Variants in HS6ST3 observed in about 807,000 individuals in gnomAD.
The protein encoded by HS6ST3 is heparan-sulfate 6-O-sulfotransferase 3.
Under a neutral mutation model 36.7 loss-of-function variants are expected in HS6ST3, and 12 were observed. The ratio of observed to expected loss-of-function variants is 0.33; its 90% CI spans 0.21 to 0.53. The LOEUF is 0.53. Ranked by LOEUF, HS6ST3 falls within the 20% of genes least tolerant of loss-of-function variation. The probability of loss-of-function intolerance (pLI) is 0.95; values close to 1 mark genes in which losing one functional copy is unlikely to be tolerated. For synonymous variants in HS6ST3, 240 were observed against 257.5 expected (o/e 0.93, Z 0.65); for missense variants, 584 against 640.9 (o/e 0.91, Z 0.96).
intron 1 of HS6ST3, among the ~76,000 whole-genome samples, chr13:96,383,775 A>C (rs1292206059): frequency 2.0e-5 from 3 of 152,170 alleles, no homozygotes; most frequent in Non-Finnish European, 2.9e-5. Flanking sequence ...GGGAAGCACA[A>C]GGTGGTGGGG....
intron 1 of HS6ST3, among the ~76,000 whole-genome samples, chr13:96,436,054 G>T (rs952749794): frequency 1.3e-5 from 2 of 152,104 alleles, no homozygotes; most frequent in African/African-American, 2.4e-5. Flanking sequence ...TCTCTTTGTT[G>T]TTCTCTTTGG....
chr13:96,219,254 C>T (rs74678872), intron 1 of HS6ST3, among the ~76,000 whole-genome samples: 7,993 of 152,202 alleles, frequency 0.053, 374 homozygotes, highest in African/African-American at 0.13. Flanking sequence ...TATTTTGTAA[C>T]ATGTGTACAT....
chr13:96,593,308 C>T (rs373718436), intron 1 of HS6ST3, among the ~76,000 whole-genome samples: 7 of 149,498 alleles, frequency 4.7e-5, no homozygotes, highest in African/African-American at 7.4e-5. Context: ...CTCAGCCTCC[C>T]GAGTACCTGG....
intron 1 of HS6ST3, among the ~76,000 whole-genome samples, chr13:96,207,330 A>G (rs1041090385): frequency 2.0e-5 from 3 of 152,138 alleles, no homozygotes; most frequent in Non-Finnish European, 2.9e-5. Flanking sequence ...GTTGCAGAGA[A>G]AAAGGAATGC....
Position 96,794,598 on chromosome 13 carries a change from T to G in HS6ST3, c.708-37892T>G, listed in dbSNP as rs538991458. 4.6e-5 allele frequency among the ~76,000 whole-genome samples: 7 copies of G among 152,198 alleles called. No individual in the cohort carries two copies. In the South Asian group the frequency reaches 1.2e-3, roughly 27 times the overall value. ...AAGATATTTGGCCAAGTGTGTATTT[T>G]TTTCCTCCCTCATTTTTTGGGCTGA... On this transcript the variant is annotated intron_variant, in intron 1 of 1. Transcript: ENST00000376705.
At chr13:96,285,612 T>C (rs2054797741) in intron 1 of HS6ST3, among the ~76,000 whole-genome samples, 1 of 152,186 alleles carries the variant, frequency 6.6e-6, no homozygotes, top group Admixed American at 6.5e-5. Context: ...ATGATGAATT[T>C]GGTAGGCGTG....
At chr13:96,358,938 G>A (rs1055300188) in intron 1 of HS6ST3, among the ~76,000 whole-genome samples, 1 of 151,820 alleles carries the variant, frequency 6.6e-6, no homozygotes, top group Non-Finnish European at 1.5e-5. Flanking sequence ...GACACAGAGA[G>A]CAAATGTGGC....
chr13:96,814,248 C>A (rs1000031163), intron 1 of HS6ST3, among the ~76,000 whole-genome samples: 3 of 152,090 alleles, frequency 2.0e-5, no homozygotes, highest in African/African-American at 7.2e-5. Context: ...AGCAAATACT[C>A]TGATTGTATT....
At chr13:96,398,058 CCTAT>C (rs1350901469) in intron 1 of HS6ST3, among the ~76,000 whole-genome samples, 3 of 152,148 alleles carry the variant, frequency 2.0e-5, no homozygotes, top group Non-Finnish European at 1.5e-5. Context: ...AGCCACTTAA[CCTAT>C]CTTTGCATCA....
At chr13:96,758,419 A>C (rs1479772474) in intron 1 of HS6ST3, among the ~76,000 whole-genome samples, 2 of 151,704 alleles carry the variant, frequency 1.3e-5, no homozygotes, top group East Asian at 3.9e-4. Context: ...TATTTTGCTG[A>C]GTTCTGGCCT....
chr13:96,477,284 G>A (rs1339959831), intron 1 of HS6ST3, among the ~76,000 whole-genome samples: 1 of 152,192 alleles, frequency 6.6e-6, no homozygotes, highest in Non-Finnish European at 1.5e-5. Flanking sequence ...GAAGAAGAGA[G>A]GGATGCGAAT....
At chr13:96,758,420 G>A (rs1198306508) in intron 1 of HS6ST3, among the ~76,000 whole-genome samples, 1 of 151,652 alleles carries the variant, frequency 6.6e-6, no homozygotes, top group African/African-American at 2.4e-5. Flanking sequence ...ATTTTGCTGA[G>A]TTCTGGCCTT....
intron 1 of HS6ST3, among the ~76,000 whole-genome samples, chr13:96,199,952 C>G (rs1432949043): frequency 3.3e-5 from 5 of 152,094 alleles, no homozygotes; most frequent in African/African-American, 1.2e-4. Context: ...GACTTCTAGA[C>G]TCTTTTCAGG....
At chr13:96,732,180 C>T (rs1876172457) in intron 1 of HS6ST3, among the ~76,000 whole-genome samples, 2 of 152,066 alleles carry the variant, frequency 1.3e-5, no homozygotes, top group Non-Finnish European at 2.9e-5. Flanking sequence ...TTTTCATATA[C>T]CTTTTGGCCA....
intron 1 of HS6ST3, among the ~76,000 whole-genome samples, chr13:96,505,857 T>A (rs940054441): frequency 6.6e-5 from 10 of 152,156 alleles, no homozygotes; most frequent in Admixed American, 2.0e-4. Flanking sequence ...GGGCTTTTCT[T>A]TAAGACTTTT....
intron 1 of HS6ST3, among the ~76,000 whole-genome samples, chr13:96,152,081 A>G (rs1412156317): frequency 6.6e-6 from 1 of 152,142 alleles, no homozygotes; most frequent in African/African-American, 2.4e-5. Context: ...CATATTCCAA[A>G]TTTATCCAAT....
chr13:96,799,384 A>T (rs1877986745), intron 1 of HS6ST3, among the ~76,000 whole-genome samples: 1 of 152,050 alleles, frequency 6.6e-6, no homozygotes, highest in African/African-American at 2.4e-5. Context: ...ACCAACCCAA[A>T]TGTCCAACAA....
At chr13:96,274,217 A>T (rs1178174528) in intron 1 of HS6ST3, among the ~76,000 whole-genome samples, 1 of 151,612 alleles carries the variant, frequency 6.6e-6, no homozygotes, top group African/African-American at 2.4e-5. Flanking sequence ...CAAAGTTCTG[A>T]CTGTTTCCAT....
intron 1 of HS6ST3, among the ~76,000 whole-genome samples, chr13:96,628,103 T>C (rs913459393): frequency 2.6e-5 from 4 of 151,928 alleles, no homozygotes; most frequent in African/African-American, 9.6e-5. Flanking sequence ...AGTTTGACGC[T>C]TAATTGATTA....
Sources: gnomAD v4.1 joint callset for allele counts (sites outside exome capture counted in the v4.1 genomes callset) on GRCh38, gnomAD v4.1.1 for gene constraint, MANE v1.5 for transcripts, NCBI Gene and HGNC (gene_info 2026-07-23, HGNC 2026-07-21) for gene names.